Variants in ANKRD10 observed in about 807,000 individuals in gnomAD.
ANKRD10 encodes ankyrin repeat domain 10, also known as ankyrin repeat domain-containing protein 10.
In ANKRD10, 14 loss-of-function variants were observed where a neutral mutation model predicts 27.0. The observed-to-expected ratio is 0.52, with a 90% confidence interval of 0.34 to 0.81. The LOEUF is 0.81. Among genes scored for constraint, ANKRD10 ranks in the 40% least tolerant of loss-of-function variants. The probability of loss-of-function intolerance (pLI) is 0.01; values close to 1 mark genes in which losing one functional copy is unlikely to be tolerated. For synonymous variants in ANKRD10, 250 were observed against 224.5 expected, an observed-to-expected ratio of 1.11 and a Z score of -1.01; for missense variants, 493 against 544.0, an observed-to-expected ratio of 0.91 and a Z score of 0.93.
At position 110,914,720 on chromosome 13, in the gene ANKRD10, C is replaced by T. The variant is rs1290538649; in HGVS notation, c.210+5G>A. ...AAAATGGCGCCTTAAAGCGTTCGCACCCACCTTGCCGAAATGCGCGGCCCA... is the reference window on the plus strand; with the variant it reads ...AAAATGGCGCCTTAAAGCGTTCGCATCCACCTTGCCGAAATGCGCGGCCCA... On this transcript the variant is annotated splice_donor_5th_base_variant and intron_variant, in intron 1 of 5. Transcript: ENST00000267339. The T allele has an allele frequency of 3.8e-6, 6 of 1,574,746 alleles. No homozygotes were observed. The highest frequency in any genetic ancestry group is 1.8e-5 in the Admixed American group (1 of 55,174).
chr13:110,910,826 T>C (rs2065678764), intron 1 of ANKRD10, 56 bp from the exon 2 acceptor site: 5 of 1,508,616 alleles, frequency 3.3e-6, no homozygotes, highest in Non-Finnish European at 4.5e-6. Flanking sequence ...CACTATTCAA[T>C]ATTACATGAA....
chr13:110,885,442 G>A (rs2064903600), intron 4 of ANKRD10, among the ~76,000 whole-genome samples: 1 of 152,120 alleles, frequency 6.6e-6, no homozygotes, highest in South Asian at 2.1e-4. Flanking sequence ...CAGCTACTGG[G>A]GAGGCTGAGG....
chr13:110,881,528 A>AT (rs3839993), intron 5 of ANKRD10, among the ~76,000 whole-genome samples: 41,736 of 152,068 alleles, frequency 0.27, 7,141 homozygotes, highest in Non-Finnish European at 0.39. Context: ...AGGACAATAG[A>AT]TTTTTTTTCC....
chr13:110,886,262 C>T (rs1418425058), intron 4 of ANKRD10, among the ~76,000 whole-genome samples: 2 of 152,228 alleles, frequency 1.3e-5, no homozygotes, highest in Non-Finnish European at 2.9e-5. Flanking sequence ...CTCACAGTGA[C>T]CAGGGACCTC....
At chr13:110,894,427 A>AAAAAAAAAC (rs398024414) in intron 3 of ANKRD10, 2 of 252,260 alleles carry the variant, frequency 7.9e-6, no homozygotes, top group Non-Finnish European at 1.4e-5. Context: ...AAAAAAAAAA[A>AAAAAAAAAC]CCCCGCATTT....
chr13:110,892,632 A>G (rs2065111324), intron 4 of ANKRD10: 4 of 719,664 alleles, frequency 5.6e-6, no homozygotes, highest in Non-Finnish European at 6.9e-6. Flanking sequence ...CTGCCAGACC[A>G]TCAGCAATTT....
intron 5 of ANKRD10, 55 bp downstream of exon 5, chr13:110,883,643 G>GT: frequency 6.2e-7 from 1 of 1,600,004 alleles, no homozygotes; most frequent in South Asian, 1.1e-5. Flanking sequence ...CTGCTGTTTG[G>GT]TGTCTTCAAC....
intron 4 of ANKRD10, among the ~76,000 whole-genome samples, chr13:110,890,020 C>T (rs1199945676): frequency 6.6e-6 from 1 of 152,086 alleles, no homozygotes; most frequent in Non-Finnish European, 1.5e-5. Context: ...ATTTTATATA[C>T]ATGTGTTAAA....
At chr13:110,883,928 A>C (rs1464962384) in intron 4 of ANKRD10, 135 bp from the exon 5 acceptor site, 4 of 1,033,150 alleles carry the variant, frequency 3.9e-6, no homozygotes, top group Non-Finnish European at 5.4e-6. Context: ...ACAGGTCACT[A>C]ATGAGCTTAG....
At chr13:110,892,948 G>C (rs1440682545) in intron 4 of ANKRD10, 80 bp downstream of exon 4, 3 of 1,555,258 alleles carry the variant, frequency 1.9e-6, no homozygotes, top group Non-Finnish European at 1.7e-6. Context: ...TCATCTCGAA[G>C]GTGCGCTCAG....
At chr13:110,910,588 G>A (rs2065668392) in intron 2 of ANKRD10, 30 bp downstream of exon 2, 2 of 1,609,868 alleles carry the variant, frequency 1.2e-6, no homozygotes, top group South Asian at 1.1e-5. Context: ...AAAAGCAAAA[G>A]CAAACCAAGT....
At chr13:110,905,051 C>T (rs1009038811) in intron 3 of ANKRD10, 1 of 152,068 alleles carries the variant, frequency 6.6e-6, no homozygotes, top group Non-Finnish European at 1.5e-5. Flanking sequence ...TTATTTCCTC[C>T]GAAGTCTAAA....
chr13:110,910,575 AG>A lies in ANKRD10; in HGVS notation c.363+42del, dbSNP rs1364060660. The A allele has an allele frequency of 2.5e-6, 4 of 1,608,074 alleles. No homozygotes were observed. In the South Asian group the frequency reaches 4.4e-5, roughly 18 times the overall value. ...ACCGTGTATAATTATAACTGCAAAA[AG>A]AAAAAGCAAAAGCAAACCAAGTCCA... On this transcript the variant is annotated intron_variant, in intron 2 of 5. Transcript: ENST00000267339.
intron 3 of ANKRD10, chr13:110,894,880 T>C (rs951940186): frequency 2.0e-5 from 3 of 152,212 alleles, no homozygotes; most frequent in South Asian, 2.1e-4. Flanking sequence ...ACATTAATTA[T>C]ACTTTGTACA....
At chr13:110,898,017 A>C in intron 3 of ANKRD10, among the ~76,000 whole-genome samples, 1 of 152,206 alleles carries the variant, frequency 6.6e-6, no homozygotes, top group East Asian at 1.9e-4. Flanking sequence ...TTCAATTCAA[A>C]CAACTTTTTA....
At chr13:110,909,219 ATATACT>A (rs1163035037) in intron 2 of ANKRD10, among the ~76,000 whole-genome samples, 1 of 152,226 alleles carries the variant, frequency 6.6e-6, no homozygotes, top group Non-Finnish European at 1.5e-5. Context: ...TACAAAAATG[ATATACT>A]TAAATTCCAT....
chr13:110,888,040 A>C (rs1316868856), intron 4 of ANKRD10, among the ~76,000 whole-genome samples: 1 of 152,150 alleles, frequency 6.6e-6, no homozygotes, highest in Non-Finnish European at 1.5e-5. Context: ...TTGTTTTTCT[A>C]TTATGAGGTG....
intron 4 of ANKRD10, among the ~76,000 whole-genome samples, chr13:110,885,672 CAG>C (rs1012491827): frequency 3.3e-5 from 5 of 152,206 alleles, no homozygotes; most frequent in Non-Finnish European, 7.3e-5. Flanking sequence ...CACGCAGACA[CAG>C]AGAACCTGCA....
intron 1 of ANKRD10, 108 bp from the exon 2 acceptor site, chr13:110,910,878 G>A: frequency 1.7e-6 from 2 of 1,175,750 alleles, no homozygotes; most frequent in Non-Finnish European, 2.3e-6. Context: ...ATTGTTACCA[G>A]TTTTTTAACA....
Sources: gnomAD v4.1 joint callset for allele counts (sites outside exome capture counted in the v4.1 genomes callset) on GRCh38, gnomAD v4.1.1 for gene constraint, MANE v1.5 for transcripts, NCBI Gene and HGNC (gene_info 2026-07-23, HGNC 2026-07-21) for gene names.